Variants in SEMA7A observed in about 807,000 individuals in gnomAD.
SEMA7A encodes the protein semaphorin-7A.
Under a neutral mutation model 67.5 loss-of-function variants are expected in SEMA7A, and 21 were observed. The ratio of observed to expected loss-of-function variants is 0.31; its 90% confidence interval spans 0.22 to 0.45. SEMA7A has a LOEUF of 0.45. SEMA7A is among the 20% of genes least tolerant of loss of function. The pLI, the probability that SEMA7A is intolerant of heterozygous loss-of-function variation, is 1.00. For synonymous variants in SEMA7A, 364 were observed against 368.5 expected, an observed-to-expected ratio of 0.99 and a Z score of 0.14; for missense variants, 774 against 908.6, an observed-to-expected ratio of 0.85 and a Z score of 1.90.
intron 2 of SEMA7A, 44 bp from the exon 3 acceptor site, chr15:74,418,353 G>C: frequency 1.3e-6 from 2 of 1,590,170 alleles, no homozygotes; most frequent in South Asian, 1.1e-5. Flanking sequence ...CCAGGGGTGA[G>C]GTACCCCTGA....
At chr15:74,431,150 A>G (rs8031284) in intron 1 of SEMA7A, among the ~76,000 whole-genome samples, 28,500 of 152,188 alleles carry the variant, frequency 0.19, 5,243 homozygotes, top group African/African-American at 0.48. Context: ...GTTCCTGCTT[A>G]CAGGAAGATC....
intron 1 of SEMA7A, among the ~76,000 whole-genome samples, chr15:74,421,549 C>G (rs28362896): frequency 0.15 from 23,240 of 152,152 alleles, 4,772 homozygotes; most frequent in African/African-American, 0.47. Flanking sequence ...GGCCCTCCCA[C>G]CTCTGTTCTT....
intron 1 of SEMA7A, among the ~76,000 whole-genome samples, chr15:74,421,107 C>T (rs1160220039): frequency 6.6e-6 from 1 of 152,174 alleles, no homozygotes; most frequent in African/African-American, 2.4e-5. Flanking sequence ...AATTGCAGGG[C>T]TGTTGAAGAG....
Position 74,410,036 on chromosome 15 carries a change from C to T in SEMA7A, c.*588G>A, listed in dbSNP as rs1188846285. 2 of 148,156 alleles carry T rather than the reference C, an allele frequency of 1.3e-5. No individual in the cohort carries two copies. The highest frequency in any genetic ancestry group is 3.0e-5 in the Non-Finnish European group (2 of 67,738). The allele number at this position is 148,156 out of a possible 1,614,324, so 9.2% of individuals were successfully genotyped here. A position where few individuals can be genotyped will look rare whatever the true frequency, so the allele number is the denominator to read the frequency against. Reference sequence around the variant, plus strand: ...GCCTAACATAAAAATAGAGCTTTTTCCGTCCTTCCGTCCGGAAAGCAAACA... The same window carrying T: ...GCCTAACATAAAAATAGAGCTTTTTTCGTCCTTCCGTCCGGAAAGCAAACA... On this transcript the variant is annotated 3_prime_UTR_variant, in exon 14 of 14. Coordinates refer to ENST00000261918, the MANE Select transcript of SEMA7A (RefSeq NM_003612.5). The surrounding 1 kb of genome is among the most constrained non-coding windows in gnomAD (Gnocchi z 7.5).
In SEMA7A at chr15:74,423,272, AG is replaced by A. The variant is rs2061016171; in HGVS notation, c.179-4321del. On this transcript the variant is annotated intron_variant, in intron 1 of 13. Coordinates refer to ENST00000261918, the MANE Select transcript of SEMA7A (RefSeq NM_003612.5). The surrounding 1 kb of genome is among the most constrained non-coding windows in gnomAD (Gnocchi z 4.1). ...CCTCGCCCAACTACGTGTCTGGAAA[AG>A]AGAGTAGAGGGAAGGCCCACGTGAT... Among the ~76,000 whole-genome samples the A allele has an allele frequency of 1.3e-5, 2 of 152,332 alleles. No individual in the cohort carries two copies. Among genetic ancestry groups the A allele is most frequent in the Admixed American group, 1.3e-4 (2 of 15,308 alleles).
chr15:74,430,550 T>G (rs1247116924), intron 1 of SEMA7A, among the ~76,000 whole-genome samples: 1 of 152,236 alleles, frequency 6.6e-6, no homozygotes, highest in Admixed American at 6.5e-5. Flanking sequence ...TCATTGGACC[T>G]GTGCCAGCGT....
rs539151924 is a variant in SEMA7A, at chr15:74,419,340, C to T, written c.179-388G>A. On this transcript the variant is annotated intron_variant, in intron 1 of 13. Coordinates refer to ENST00000261918, the MANE Select transcript of SEMA7A (RefSeq NM_003612.5). The stretch of plus-strand genomic sequence containing the variant: ...AGGACCAGGGCTCCTTGGCCATGCT[C>T]TGGGAGGTTCTCTGCTGCCCTAAGC... Among the ~76,000 whole-genome samples, 4 of 152,288 alleles carry T rather than the reference C, an allele frequency of 2.6e-5. No individual in the cohort carries two copies. The South Asian group carries it at 8.3e-4, about 32-fold the overall frequency.
chr15:74,429,742 G>A (rs1029203627), intron 1 of SEMA7A, among the ~76,000 whole-genome samples: 4 of 151,996 alleles, frequency 2.6e-5, no homozygotes, highest in Admixed American at 6.6e-5. Flanking sequence ...CAAACTTTTC[G>A]GGAGCCCCCA....
chr15:74,427,875 A>AAACC (rs1567078780), intron 1 of SEMA7A, among the ~76,000 whole-genome samples: 1 of 152,182 alleles, frequency 6.6e-6, no homozygotes, highest in Non-Finnish European at 1.5e-5. Context: ...GGGGCTCCCC[A>AAACC]AGGGCAAACC....
chr15:74,426,180 CAGA>C (rs1210439531), intron 1 of SEMA7A, among the ~76,000 whole-genome samples: 7 of 152,192 alleles, frequency 4.6e-5, no homozygotes, highest in Non-Finnish European at 7.3e-5. Flanking sequence ...GAGGCTGAGA[CAGA>C]AGAATCGCTT....
At position 74,411,815 on chromosome 15, in the gene SEMA7A, C is replaced by T; in HGVS notation, c.1422+70G>A. 1 of 1,604,344 alleles carries T rather than the reference C, an allele frequency of 6.2e-7. No homozygotes were observed. The highest frequency in any genetic ancestry group is 1.1e-5 in the South Asian group (1 of 90,174). On this transcript the variant is annotated intron_variant, in intron 11 of 13. Coordinates refer to ENST00000261918, the MANE Select transcript of SEMA7A (RefSeq NM_003612.5). The surrounding 1 kb of genome is among the most constrained non-coding windows in gnomAD (Gnocchi z 4.4). ...AGCTCTTAAAAGAACACACAAATCA[C>T]ATGCAAAGGAGCCCTGTCCTCAGCT...
chr15:74,410,441 G>T lies in SEMA7A; in HGVS notation c.*183C>A. ...ATTCTCAGCCCCTCACCATCCGTGC[G>T]CCACCTGGGGCCCAGCAGCCGCCTG... is the stretch of plus-strand genomic sequence containing the variant. On this transcript the variant is annotated 3_prime_UTR_variant, in exon 14 of 14. Coordinates refer to ENST00000261918, the MANE Select transcript of SEMA7A (RefSeq NM_003612.5). This position sits in a 1 kb window ranked among gnomAD's most constrained non-coding sequence, Gnocchi z 7.5. 1.2e-6 allele frequency: 1 copy of T among 813,496 alleles called. No individual in the cohort carries two copies. The highest frequency in any genetic ancestry group is 1.9e-6 in the Non-Finnish European group (1 of 535,536). The allele number at this position is 813,496 out of a possible 1,614,324, so 50.4% of individuals were successfully genotyped here.
At chr15:74,419,882 TGGG>T (rs1348798175) in intron 1 of SEMA7A, among the ~76,000 whole-genome samples, 1 of 152,176 alleles carries the variant, frequency 6.6e-6, no homozygotes, top group Non-Finnish European at 1.5e-5. Context: ...CCACTGCCTC[TGGG>T]GAGGTGTCTC....
chr15:74,414,578 C>T lies in SEMA7A; in HGVS notation c.1263G>A (p.Gly421=). ...TTAGGTAAAGCACATGAAAGGTCTC[C>T]CCGTGGCTGGCTTGCATGCGGTGGA... is the stretch of plus-strand genomic sequence containing the variant. ...VAVHRMQASH[G]ETFHVLYLTT... Residue 421 remains glycine (G), a synonymous_variant, in exon 10 of 14, where the codon GGG becomes GGA. Coordinates refer to ENST00000261918, the MANE Select transcript of SEMA7A (RefSeq NM_003612.5). The surrounding 1 kb of genome is among the most constrained non-coding windows in gnomAD (Gnocchi z 4.1). 6 of 1,614,248 alleles carry T rather than the reference C, an allele frequency of 3.7e-6. No homozygotes were observed. The highest frequency in any genetic ancestry group is 5.1e-6 in the Non-Finnish European group (6 of 1,180,052).
At position 74,433,913 on chromosome 15, in the gene SEMA7A, C is replaced by T; in HGVS notation, c.6G>A (p.Thr2=). The T allele has an allele frequency of 1.2e-5, 15 of 1,248,368 alleles. No individual in the cohort carries two copies. The highest frequency in any genetic ancestry group is 1.5e-5 in the Non-Finnish European group (15 of 999,320). 77.3% of individuals were successfully genotyped at this position (1,248,368 alleles called of 1,614,324 possible). M[T]PPPPGRAAPS... ...GGGCGGCACGTCCGGGCGGAGGAGG[C>T]GTCATCCCGTGGCCCCGGGAGCGAC... The change falls in exon 1 of 14, where the codon ACG becomes ACA. Residue 2 remains threonine, a synonymous_variant. Transcript: ENST00000261918.
chr15:74,410,467 C>A lies in SEMA7A; in HGVS notation c.*157G>T, dbSNP rs144289778. 2 of 1,142,364 alleles carry A rather than the reference C, an allele frequency of 1.8e-6. No individual in the cohort carries two copies. Among genetic ancestry groups the A allele is most frequent in the Non-Finnish European group, 2.4e-6 (2 of 820,308 alleles). The allele number at this position is 1,142,364 out of a possible 1,614,324, so 70.8% of individuals were successfully genotyped here. A position where few individuals can be genotyped will look rare whatever the true frequency, so the allele number is the denominator to read the frequency against. Reference sequence around the variant, plus strand: ...CCACCTGGGGCCCAGCAGCCGCCTGCGGCTGGACGTCTCCAGGCCTGGCAT... The same window carrying A: ...CCACCTGGGGCCCAGCAGCCGCCTGAGGCTGGACGTCTCCAGGCCTGGCAT... On this transcript the variant is annotated 3_prime_UTR_variant, in exon 14 of 14. Coordinates refer to ENST00000261918, the MANE Select transcript of SEMA7A (RefSeq NM_003612.5). This position sits in a 1 kb window ranked among gnomAD's most constrained non-coding sequence, Gnocchi z 7.5.
chr15:74,426,103 T>A lies in SEMA7A; in HGVS notation c.179-7151A>T, dbSNP rs367981238. Among the ~76,000 whole-genome samples, 9 of 151,968 alleles carry A rather than the reference T, an allele frequency of 5.9e-5. No homozygotes were observed. In the East Asian group the frequency reaches 7.7e-4, roughly 13 times the overall value. On this transcript the variant is annotated intron_variant, in intron 1 of 13. Coordinates refer to ENST00000261918, the MANE Select transcript of SEMA7A (RefSeq NM_003612.5). ...GCCTGGCCAACATGGTGAAACCCCATCTCTACCAAAAATACAAAAAAATTA... is the reference window on the plus strand; with the variant it reads ...GCCTGGCCAACATGGTGAAACCCCAACTCTACCAAAAATACAAAAAAATTA...
At chr15:74,413,185 C>T (rs1320497665) in intron 10 of SEMA7A, among the ~76,000 whole-genome samples, 1 of 151,998 alleles carries the variant, frequency 6.6e-6, no homozygotes, top group South Asian at 2.1e-4. Flanking sequence ...CCCACCCCAG[C>T]CACTGCCTTC....
At chr15:74,422,658 A>G (rs1449520954) in intron 1 of SEMA7A, among the ~76,000 whole-genome samples, 3 of 152,212 alleles carry the variant, frequency 2.0e-5, no homozygotes, top group Non-Finnish European at 2.9e-5. Context: ...AACCTCCACC[A>G]GACACAGCCG....
Sources: allele counts gnomAD v4.1 joint callset (sites outside exome capture counted in the v4.1 genomes callset), GRCh38; gene constraint gnomAD v4.1.1; non-coding constraint Gnocchi (gnomAD v3.1); transcripts MANE v1.5; gene names NCBI Gene and HGNC (gene_info 2026-07-23, HGNC 2026-07-21).